The following CCDC7 variants were observed in gnomAD, a reference collection of about 807,000 sequenced individuals.
The protein encoded by CCDC7 is coiled-coil domain-containing protein 7.
CCDC7 carries 183 observed loss-of-function variants against 196.9 expected under a neutral mutation model. That is an observed-to-expected ratio of 0.93 (90% CI 0.82 to 1.05). The LOEUF (loss-of-function observed/expected upper bound fraction) is 1.05. Among genes scored for constraint, CCDC7 ranks in the 50% least tolerant of loss-of-function variants. The pLI is 0.00. For missense variants in CCDC7, 1,540 were observed against 1,482.2 expected, an observed-to-expected ratio of 1.04 and a Z score of -0.64; for synonymous variants, 525 against 484.6, an observed-to-expected ratio of 1.08 and a Z score of -1.10.
intron 2 of CCDC7, among the ~76,000 whole-genome samples, chr10:32,454,598 A>C (rs1039135162): frequency 3.3e-5 from 5 of 151,898 alleles, no homozygotes; most frequent in African/African-American, 1.2e-4. Context: ...CCACCAAAAA[A>C]ATAAAATAAA....
intron 28 of CCDC7, among the ~76,000 whole-genome samples, chr10:32,732,708 A>G (rs2084189104): frequency 6.6e-6 from 1 of 152,164 alleles, no homozygotes; most frequent in Non-Finnish European, 1.5e-5. Context: ...TTATGTTCAC[A>G]GTAGAAAGAA....
chr10:32,577,885 G>A (rs540301875), intron 16 of CCDC7, among the ~76,000 whole-genome samples: 1 of 152,180 alleles, frequency 6.6e-6, no homozygotes, highest in East Asian at 1.9e-4. Context: ...AGTGAGAAAA[G>A]TCTGCCCCAT....
At chr10:32,498,116 C>T (rs950092894) in intron 9 of CCDC7, among the ~76,000 whole-genome samples, 1 of 152,142 alleles carries the variant, frequency 6.6e-6, no homozygotes, top group Non-Finnish European at 1.5e-5. Context: ...GTTAGCTCTT[C>T]TTGCTGCATT....
chr10:32,473,392 G>A (rs2038349217), intron 7 of CCDC7, among the ~76,000 whole-genome samples: 1 of 152,170 alleles, frequency 6.6e-6, no homozygotes, highest in Non-Finnish European at 1.5e-5. Context: ...GCAATATATA[G>A]GGATGAAGTA....
intron 18 of CCDC7, among the ~76,000 whole-genome samples, chr10:32,616,115 T>G (rs1268215885): frequency 2.6e-5 from 4 of 152,114 alleles, no homozygotes; most frequent in Non-Finnish European, 4.4e-5. Context: ...TTTGTTCTTT[T>G]TTGCTTAAGA....
chr10:32,749,289 C>T (rs551197809), intron 28 of CCDC7, among the ~76,000 whole-genome samples: 3 of 152,078 alleles, frequency 2.0e-5, no homozygotes, highest in Admixed American at 6.5e-5. Context: ...TTGGAAGGTC[C>T]GTTTAAAAAA....
At chr10:32,798,731 G>A (rs1279763479) in intron 29 of CCDC7, among the ~76,000 whole-genome samples, 4 of 152,212 alleles carry the variant, frequency 2.6e-5, no homozygotes, top group Admixed American at 2.6e-4. Flanking sequence ...TGCACAACCA[G>A]GTGCACTGCT....
chr10:32,693,873 C>G (rs2077373511), intron 23 of CCDC7, among the ~76,000 whole-genome samples: 1 of 152,168 alleles, frequency 6.6e-6, no homozygotes. Flanking sequence ...CGAGGGCTGG[C>G]TCCCCCCTTG....
intron 21 of CCDC7, among the ~76,000 whole-genome samples, chr10:32,666,356 C>T (rs1342968297): frequency 6.6e-6 from 1 of 151,684 alleles, no homozygotes; most frequent in African/African-American, 2.4e-5. Context: ...CACAATAATC[C>T]TGCAAGGTTG....
chr10:32,707,656 A>C (rs972559064), intron 24 of CCDC7, among the ~76,000 whole-genome samples: 2 of 152,196 alleles, frequency 1.3e-5, no homozygotes, highest in Admixed American at 1.3e-4. Context: ...CAAAAATCAC[A>C]AACGTTCCTA....
intron 18 of CCDC7, among the ~76,000 whole-genome samples, chr10:32,626,822 G>A (rs761787855): frequency 4.0e-5 from 6 of 151,894 alleles, no homozygotes; most frequent in Non-Finnish European, 8.8e-5. Flanking sequence ...TTTCCCCATT[G>A]TGTATTCTTA....
chr10:32,716,732 C>T (rs1460580414), intron 25 of CCDC7, among the ~76,000 whole-genome samples: 1 of 151,908 alleles, frequency 6.6e-6, no homozygotes, highest in East Asian at 1.9e-4. Context: ...AACAGAAAAA[C>T]CCAGGGGTTG....
intron 23 of CCDC7, among the ~76,000 whole-genome samples, chr10:32,690,755 T>A (rs1310317590): frequency 2.0e-5 from 3 of 152,230 alleles, no homozygotes; most frequent in Non-Finnish European, 2.9e-5. Flanking sequence ...TATGCCCCAC[T>A]AAAATGACCT....
intron 33 of CCDC7, among the ~76,000 whole-genome samples, chr10:32,841,427 CA>C (rs1296394632): frequency 1.3e-5 from 2 of 151,012 alleles, no homozygotes; most frequent in Non-Finnish European, 3.0e-5. Context: ...AAACAAAAAA[CA>C]AAAAAAGGTA....
chr10:32,657,148 G>A (rs1157576596), intron 20 of CCDC7, among the ~76,000 whole-genome samples: 1 of 152,214 alleles, frequency 6.6e-6, no homozygotes, highest in Admixed American at 6.5e-5. Context: ...TGCCTTCACA[G>A]CTGGCCTTGA....
Position 32,797,068 on chromosome 10 carries a change from G to A in CCDC7, c.3014-7947G>A, listed in dbSNP as rs1379338872. Among the ~76,000 whole-genome samples the A allele has an allele frequency of 5.9e-5, 9 of 151,878 alleles. No homozygotes were observed. In the South Asian group the frequency reaches 6.2e-4, roughly 10 times the overall value. On this transcript the variant is annotated intron_variant, in intron 29 of 41. Transcript: ENST00000639629. Reference sequence around the variant, plus strand: ...ATTATATGAAAAGATACTTGCACACGCATGTTTATAAGCAGCATAATTCAC... The same window carrying A: ...ATTATATGAAAAGATACTTGCACACACATGTTTATAAGCAGCATAATTCAC...
chr10:32,686,040 A>G (rs2141141492), exon 22 of CCDC7: 9 of 1,578,330 alleles, frequency 5.7e-6, no homozygotes, highest in Non-Finnish European at 5.2e-6. Context: ...CCAAATTACA[A>G]ATAAAGAAAC....
chr10:32,711,676 A>G, exon 25 of CCDC7: 1 of 1,597,696 alleles, frequency 6.3e-7, no homozygotes, highest in Non-Finnish European at 8.5e-7. Flanking sequence ...TTCAGTGTCA[A>G]AAATCCAAGT....
At chr10:32,571,960 T>C (rs2057619341) in intron 16 of CCDC7, 67 bp downstream of exon 17, 1 of 1,376,200 alleles carries the variant, frequency 7.3e-7, no homozygotes, top group African/African-American at 1.5e-5. Flanking sequence ...ACCTAAGCAA[T>C]GAAAATAACC....
Sources: allele counts gnomAD v4.1 joint callset (sites outside exome capture counted in the v4.1 genomes callset), GRCh38; gene constraint gnomAD v4.1.1; transcripts MANE v1.5; gene names NCBI Gene and HGNC (gene_info 2026-07-23, HGNC 2026-07-21).